The following APH1B variants were observed in gnomAD, a reference collection of about 807,000 sequenced individuals.
APH1B encodes gamma-secretase subunit APH-1B.
Under a neutral mutation model 28.2 loss-of-function variants are expected in APH1B, and 27 were observed. That is an observed-to-expected ratio of 0.96 (90% confidence interval 0.70 to 1.32). APH1B has a LOEUF of 1.32. APH1B is among the 40% of genes most tolerant of loss of function. The probability of loss-of-function intolerance (pLI) is 0.00; values close to 1 mark genes in which losing one functional copy is unlikely to be tolerated. For missense variants in APH1B, 305 were observed against 313.6 expected, an observed-to-expected ratio of 0.97 and a Z score of 0.21; for synonymous variants, 141 against 124.6, an observed-to-expected ratio of 1.13 and a Z score of -0.88.
rs770462921 is a variant in APH1B at position 63,294,748 on chromosome 15, C to T, written c.478+7202C>T. ...GATTTTACTGCCTTTTATAGTTATT[C>T]GAAACCCTCACCAAAGACTTATACT... On this transcript the variant is annotated intron_variant, in intron 4 of 5. Coordinates refer to ENST00000261879, the MANE Select transcript of APH1B (RefSeq NM_031301.4). 2.0e-5 allele frequency among the ~76,000 whole-genome samples: 3 copies of T among 152,126 alleles called. No homozygotes were observed. The South Asian group carries it at 6.2e-4, about 32-fold the overall frequency.
intron 4 of APH1B, among the ~76,000 whole-genome samples, chr15:63,288,976 G>C (rs1314869846): frequency 6.6e-6 from 1 of 152,154 alleles, no homozygotes; most frequent in Non-Finnish European, 1.5e-5. Context: ...TTTTTCACTA[G>C]ATGGTGCTAA....
chr15:63,305,545 T>G (rs1034214168), intron 5 of APH1B, 69 bp from the exon 6 acceptor site: 1 of 1,549,742 alleles, frequency 6.5e-7, no homozygotes, highest in Non-Finnish European at 8.8e-7. Context: ...CTTCCCTTTA[T>G]CTTTGGTTAT....
intron 2 of APH1B, among the ~76,000 whole-genome samples, chr15:63,284,238 C>T (rs1388577630): frequency 1.5e-5 from 2 of 137,872 alleles, no homozygotes; most frequent in East Asian, 4.4e-4. Flanking sequence ...TTTTTTGAGA[C>T]AGGGCCTCTC....
In APH1B at chr15:63,304,235, G is replaced by C; in HGVS notation, c.607-1379G>C. 6.6e-6 allele frequency among the ~76,000 whole-genome samples: 1 copy of C among 152,212 alleles called. No homozygotes were observed. Among genetic ancestry groups the C allele is most frequent in the East Asian group, 1.9e-4 (1 of 5,204 alleles). On this transcript the variant is annotated intron_variant, in intron 5 of 5. Transcript: ENST00000261879. The surrounding 1 kb of genome is among the most constrained non-coding windows in gnomAD (Gnocchi z 5.1). ...GGCAGCACCAGGCTGTGGTGTTGAA[G>C]CCAGCGTCATGGTCACCCTCAGTGG...
intron 4 of APH1B, among the ~76,000 whole-genome samples, chr15:63,289,403 A>G (rs1429165944): frequency 5.9e-5 from 9 of 152,246 alleles, no homozygotes; most frequent in African/African-American, 2.2e-4. Context: ...AGGTAAATCC[A>G]TAACTTTATA....
Position 63,305,966 on chromosome 15 carries a change from C to T in APH1B, c.*185C>T. 1.4e-6 allele frequency: 1 copy of T among 725,394 alleles called. No homozygotes were observed. Among genetic ancestry groups the T allele is most frequent in the South Asian group, 1.9e-5 (1 of 51,822 alleles). The allele number at this position is 725,394 out of a possible 1,614,324, so 44.9% of individuals were successfully genotyped here. ...AAAGGGGTGCTCAGTGGTGTGCGTC[C>T]TGGCTGCACGAGAATCACCTGGGAC... On this transcript the variant is annotated 3_prime_UTR_variant, in exon 6 of 6. Transcript: ENST00000261879.
At chr15:63,300,193 C>T (rs1468697129) in intron 4 of APH1B, among the ~76,000 whole-genome samples, 1 of 152,010 alleles carries the variant, frequency 6.6e-6, no homozygotes, top group African/African-American at 2.4e-5. Flanking sequence ...CTCGAGCCAT[C>T]TGGTTTCTTT....
intron 2 of APH1B, among the ~76,000 whole-genome samples, chr15:63,284,871 G>A (rs1248424703): frequency 6.6e-6 from 1 of 151,994 alleles, no homozygotes; most frequent in South Asian, 2.1e-4. Context: ...ATTTATTATC[G>A]AGGAATTTAT....
intron 5 of APH1B, among the ~76,000 whole-genome samples, chr15:63,303,449 A>G (rs1480763764): frequency 6.6e-6 from 1 of 152,174 alleles, no homozygotes; most frequent in Non-Finnish European, 1.5e-5. Context: ...ATAGTATTCT[A>G]CCATGTGTCT....
Position 63,281,543 on chromosome 15 carries a change from A to AC in APH1B, c.284+2212_284+2213insC, listed in dbSNP as rs1207504060. Among the ~76,000 whole-genome samples the AC allele has an allele frequency of 2.0e-3, 307 of 150,530 alleles. 3 individuals carry two copies. Among genetic ancestry groups the AC allele is most frequent in the Middle Eastern group, 0.014 (4 of 294 alleles). ...CCATGGGTCTAATTTTGAAAAAAAA[A>AC]AAAAAAAACAAAAAAAAACACAATT... On this transcript the variant is annotated intron_variant, in intron 2 of 5. Coordinates refer to ENST00000261879, the MANE Select transcript of APH1B (RefSeq NM_031301.4).
intron 2 of APH1B, among the ~76,000 whole-genome samples, chr15:63,286,328 A>C (rs1483043810): frequency 1.3e-5 from 2 of 152,092 alleles, no homozygotes; most frequent in Non-Finnish European, 2.9e-5. Flanking sequence ...TATTTTTCTT[A>C]TTCTTTTATG....
In APH1B at chr15:63,277,737, G is replaced by A. The variant is rs1487685255; in HGVS notation, c.113+1G>A. 1 of 1,608,726 alleles carries A rather than the reference G, an allele frequency of 6.2e-7. No homozygotes were observed. Among genetic ancestry groups the A allele is most frequent in the Non-Finnish European group, 8.5e-7 (1 of 1,177,522 alleles). On this transcript the variant is annotated splice_donor_variant, in intron 1 of 5. Transcript: ENST00000261879. LOFTEE classifies it high-confidence loss of function. ...TGCGTATCATCTTCCTCATCGCCGG[G>A]TGAGGCGGTCGCGTCGGGAAACCCG...
At position 63,309,086 on chromosome 15, in the gene APH1B, A is replaced by C. The variant is rs2038716202; in HGVS notation, c.*3305A>C. ...TGCAATTGACTCTTTGCAGACCTGC[A>C]TTTTTCAGTGAACAATAAAAAGATT... is the stretch of plus-strand genomic sequence containing the variant. On this transcript the variant is annotated 3_prime_UTR_variant, in exon 6 of 6. Transcript: ENST00000261879. 1 of 152,078 alleles carries C rather than the reference A, an allele frequency of 6.6e-6. No homozygotes were observed. The highest frequency in any genetic ancestry group is 1.5e-5 in the Non-Finnish European group (1 of 68,034). 9.4% of individuals were successfully genotyped at this position (152,078 alleles called of 1,614,324 possible). A position where few individuals can be genotyped will look rare whatever the true frequency, so the allele number is the denominator to read the frequency against.
intron 2 of APH1B, among the ~76,000 whole-genome samples, chr15:63,283,079 TC>T (rs2038406328): frequency 6.6e-6 from 1 of 152,232 alleles, no homozygotes; most frequent in Non-Finnish European, 1.5e-5. Flanking sequence ...CTTTCTCACT[TC>T]CTGATGTTGA....
chr15:63,281,291 G>A (rs2038383994), intron 2 of APH1B, among the ~76,000 whole-genome samples: 1 of 152,118 alleles, frequency 6.6e-6, no homozygotes, highest in African/African-American at 2.4e-5. Flanking sequence ...AGGCATGGTT[G>A]TGGCTTCCAA....
In APH1B at chr15:63,296,974, C is replaced by T. The variant is rs1232076828; in HGVS notation, c.479-5371C>T. On this transcript the variant is annotated intron_variant, in intron 4 of 5. Transcript: ENST00000261879. ...TTGTTTCTTGAAGATAACACTGAAA[C>T]GTTTTGCTTAGAAATAGGTTAGAAA... Among the ~76,000 whole-genome samples, 12 of 152,124 alleles carry T rather than the reference C, an allele frequency of 7.9e-5. No individual in the cohort carries two copies. In the East Asian group the frequency reaches 1.2e-3, roughly 15 times the overall value.
At chr15:63,291,152 A>T (rs2038502535) in intron 4 of APH1B, among the ~76,000 whole-genome samples, 1 of 152,216 alleles carries the variant, frequency 6.6e-6, no homozygotes, top group South Asian at 2.1e-4. Context: ...TTAAGTGCTT[A>T]TAAGCTCTAA....
At chr15:63,301,119 G>A (rs990525973) in intron 4 of APH1B, among the ~76,000 whole-genome samples, 3 of 152,214 alleles carry the variant, frequency 2.0e-5, no homozygotes, top group African/African-American at 4.8e-5. Context: ...CAGGAAGTGC[G>A]GGGTGGGTCC....
At chr15:63,287,689 A>G (rs2038462892) in intron 4 of APH1B, 143 bp downstream of exon 4, 4 of 1,131,544 alleles carry the variant, frequency 3.5e-6, no homozygotes, top group African/African-American at 1.6e-5. Context: ...CTGTGAAGTA[A>G]AAGACTTAGG....
Sources: gnomAD v4.1 joint callset for allele counts (sites outside exome capture counted in the v4.1 genomes callset) on GRCh38, gnomAD v4.1.1 for gene constraint, Gnocchi (gnomAD v3.1) non-coding constraint, MANE v1.5 for transcripts, NCBI Gene and HGNC (gene_info 2026-07-23, HGNC 2026-07-21) for gene names.